EEIG1: variants seen among roughly 807,000 people sequenced by gnomAD.
EEIG1 encodes early estrogen-induced gene 1 protein.
At chr9:127,945,926 A>G in the EEIG1 span, among the ~76,000 whole-genome samples, 1 of 152,196 alleles carries the variant, frequency 6.6e-6, no homozygotes, top group Non-Finnish European at 1.5e-5. This position sits in a 1 kb window ranked among gnomAD's most constrained non-coding sequence, Gnocchi z 6.5. Flanking sequence ...CACCCTCCGA[A>G]CCCAGGTCCC....
the EEIG1 span, among the ~76,000 whole-genome samples, chr9:127,975,219 G>A: frequency 2.0e-5 from 3 of 152,334 alleles, no homozygotes; most frequent in African/African-American, 7.2e-5. Context: ...CACTGACCTG[G>A]CCAAGGCCTT....
At chr9:127,962,205 AT>A in the EEIG1 span, among the ~76,000 whole-genome samples, 3 of 152,232 alleles carry the variant, frequency 2.0e-5, no homozygotes, top group African/African-American at 7.2e-5. Context: ...AAAGTGACAT[AT>A]GTAAATGCCC....
At chr9:127,956,743 C>T in the EEIG1 span, among the ~76,000 whole-genome samples, 1 of 147,958 alleles carries the variant, frequency 6.8e-6, no homozygotes, top group African/African-American at 2.5e-5. Context: ...GAGACAGAGT[C>T]TCACTCTATG....
At chr9:127,964,265 G>A in the EEIG1 span, among the ~76,000 whole-genome samples, 1 of 152,194 alleles carries the variant, frequency 6.6e-6, no homozygotes, top group Non-Finnish European at 1.5e-5. Context: ...CTCAACAGAG[G>A]GAGGATGCAG....
At chr9:127,943,291 G>A in the EEIG1 span, 15 of 1,552,854 alleles carry the variant, frequency 9.7e-6, no homozygotes, top group East Asian at 4.5e-5. Context: ...TTTCCTGAGC[G>A]CTCCACTGGA....
the EEIG1 span, chr9:127,953,530 C>T: frequency 2.5e-6 from 4 of 1,592,290 alleles, no homozygotes; most frequent in South Asian, 3.3e-5. Flanking sequence ...TGTCCCATGC[C>T]ACCCCCCATT....
chr9:127,944,968 C>A, the EEIG1 span: 1 of 1,546,128 alleles, frequency 6.5e-7, no homozygotes, highest in Non-Finnish European at 8.8e-7. Flanking sequence ...AGAACGACGA[C>A]AATAATGCCA....
At chr9:127,968,372 T>C in the EEIG1 span, among the ~76,000 whole-genome samples, 1 of 152,098 alleles carries the variant, frequency 6.6e-6, no homozygotes, top group Non-Finnish European at 1.5e-5. Flanking sequence ...CCCTACACAC[T>C]GCAAGTTTCC....
chr9:127,978,248 CAG>C, the EEIG1 span, among the ~76,000 whole-genome samples: 15 of 152,336 alleles, frequency 9.8e-5, no homozygotes, highest in Non-Finnish European at 1.8e-4. Context: ...CTCCTCCCAG[CAG>C]AGTGTTTGAC....
the EEIG1 span, among the ~76,000 whole-genome samples, chr9:127,947,721 G>C: frequency 1.3e-5 from 2 of 152,140 alleles, no homozygotes; most frequent in Admixed American, 1.3e-4. Context: ...CCTGGCCCCA[G>C]ATGGATCCCA....
chr9:127,973,018 A>C, the EEIG1 span, among the ~76,000 whole-genome samples: 7 of 152,194 alleles, frequency 4.6e-5, no homozygotes, highest in Admixed American at 2.6e-4. The surrounding 1 kb of genome is among the most constrained non-coding windows in gnomAD (Gnocchi z 4.2). Flanking sequence ...AATACAGAGC[A>C]ACACCCCCTC....
At chr9:127,944,342 A>G in the EEIG1 span, 2 of 573,776 alleles carry the variant, frequency 3.5e-6, no homozygotes, top group Non-Finnish European at 6.2e-6. Context: ...CCATGTGCTG[A>G]GCCCTGCACC....
the EEIG1 span, chr9:127,954,029 G>T: frequency 7.2e-7 from 1 of 1,385,582 alleles, no homozygotes; most frequent in East Asian, 2.3e-5. Flanking sequence ...TGAGGCGGTG[G>T]GAAGCTCCAC....
At chr9:127,942,825 C>T in the EEIG1 span, 8 of 307,264 alleles carry the variant, frequency 2.6e-5, no homozygotes, top group African/African-American at 4.3e-5. Context: ...CCACAGGCAT[C>T]TCTACATTTA....
the EEIG1 span, among the ~76,000 whole-genome samples, chr9:127,969,032 G>A: frequency 6.6e-6 from 1 of 152,214 alleles, no homozygotes; most frequent in Non-Finnish European, 1.5e-5. Context: ...CAAGAGCCTG[G>A]CCTTGGTCTT....
chr9:127,976,878 G>A, the EEIG1 span, among the ~76,000 whole-genome samples: 1 of 152,070 alleles, frequency 6.6e-6, no homozygotes, highest in African/African-American at 2.4e-5. This position sits in a 1 kb window ranked among gnomAD's most constrained non-coding sequence, Gnocchi z 4.1. Context: ...CTATTGATCT[G>A]GGTCCAGGAT....
At chr9:127,953,794 C>T in the EEIG1 span, 2 of 1,613,908 alleles carry the variant, frequency 1.2e-6, no homozygotes, top group African/African-American at 1.3e-5. Flanking sequence ...CACATGCGCC[C>T]TTGGCCTCAC....
chr9:127,965,745 C>A, the EEIG1 span, among the ~76,000 whole-genome samples: 10 of 152,372 alleles, frequency 6.6e-5, no homozygotes, highest in Admixed American at 2.0e-4. Context: ...ACAACATCTG[C>A]CTTGTGCTTC....
chr9:127,946,293 G>A, the EEIG1 span, among the ~76,000 whole-genome samples: 9 of 152,222 alleles, frequency 5.9e-5, no homozygotes, highest in Admixed American at 5.2e-4. Flanking sequence ...CTGGCCCAAA[G>A]GGACAGGCCC....
Sources: gnomAD v4.1 joint callset for allele counts (sites outside exome capture counted in the v4.1 genomes callset) on GRCh38, gnomAD v4.1.1 for gene constraint, Gnocchi (gnomAD v3.1) non-coding constraint, MANE v1.5 for transcripts, NCBI Gene and HGNC (gene_info 2026-07-23, HGNC 2026-07-21) for gene names.